KLHL1: variants seen among roughly 807,000 people sequenced by gnomAD.
KLHL1 encodes the protein kelch-like protein 1.
A neutral mutation model predicts 77.7 loss-of-function variants in KLHL1; 47 were observed. The observed-to-expected ratio is 0.60, with a 90% confidence interval of 0.48 to 0.77. The LOEUF (loss-of-function observed/expected upper bound fraction) is 0.77. Among genes scored for constraint, KLHL1 ranks in the 30% least tolerant of loss-of-function variants. The pLI, the probability that KLHL1 is intolerant of heterozygous loss-of-function variation, is 0.00. For synonymous variants in KLHL1, 360 were observed against 325.2 expected (o/e 1.11, Z -1.15); for missense variants, 925 against 910.8 (o/e 1.02, Z -0.20).
chr13:69,704,620 C>G (rs556036458), intron 10 of KLHL1, among the ~76,000 whole-genome samples: 1 of 151,844 alleles, frequency 6.6e-6, no homozygotes, highest in Admixed American at 6.6e-5. Flanking sequence ...TAGTGCTATT[C>G]TCTTACCAAA....
intron 7 of KLHL1, among the ~76,000 whole-genome samples, chr13:69,765,348 A>G (rs1593808600): frequency 6.6e-6 from 1 of 152,244 alleles, no homozygotes; most frequent in Admixed American, 6.5e-5. Context: ...TAAAAGCTCA[A>G]GATTTGTATA....
At chr13:70,088,927 A>T (rs992417668) in intron 1 of KLHL1, among the ~76,000 whole-genome samples, 38 of 152,228 alleles carry the variant, frequency 2.5e-4, no homozygotes, top group African/African-American at 8.9e-4. Context: ...AAATCTATTT[A>T]CATATGTAGT....
At chr13:69,877,870 T>TAATG (rs2138188017) in intron 5 of KLHL1, among the ~76,000 whole-genome samples, 1 of 152,268 alleles carries the variant, frequency 6.6e-6, no homozygotes, top group East Asian at 1.9e-4. Flanking sequence ...TACCATAACT[T>TAATG]AATGTGCTAA....
At chr13:69,822,274 T>A (rs1269504029) in intron 6 of KLHL1, among the ~76,000 whole-genome samples, 2 of 150,424 alleles carry the variant, frequency 1.3e-5, no homozygotes, top group Admixed American at 1.3e-4. Flanking sequence ...ATTTAGATAA[T>A]CCCAAAAGAA....
rs567677623 is a variant in KLHL1 at position 69,934,792 on chromosome 13, C to T, written c.1014+5248G>A. 1.6e-3 allele frequency among the ~76,000 whole-genome samples: 246 copies of T among 150,502 alleles called. 3 individuals are homozygous for T. Among genetic ancestry groups the T allele is most frequent in the African/African-American group, 5.4e-3 (220 of 40,888 alleles). On this transcript the variant is annotated intron_variant, in intron 4 of 10. Transcript: ENST00000377844. ...CTTCAGATCATTGGCAATCCATTTT[C>T]TTCTGTTATGAACATTCTTTAACCA...
chr13:69,949,540 T>C (rs1402764627), intron 3 of KLHL1, among the ~76,000 whole-genome samples: 4 of 151,800 alleles, frequency 2.6e-5, no homozygotes, highest in Non-Finnish European at 5.9e-5. Context: ...TCCACTGTAA[T>C]GTTATTCTTT....
chr13:69,787,156 C>T (rs1358024994), intron 7 of KLHL1, among the ~76,000 whole-genome samples: 1 of 152,166 alleles, frequency 6.6e-6, no homozygotes, highest in Non-Finnish European at 1.5e-5. Flanking sequence ...TTGGAAAAAA[C>T]TACTTTAAAG....
In KLHL1 at chr13:69,796,841, T is replaced by A. The variant is rs1210090417; in HGVS notation, c.1536A>T (p.Gly512=). The part of the protein sequence containing the change: ...AVIDDKLFVI[G]GRDGLKTLNT... ...TCAATGTCTTTAAGCCATCTCGACC[T>A]CCAATTACAAAGAGTTTGTCATCAA... The change falls in exon 7 of 11, where the codon GGA becomes GGT. Residue 512 remains glycine, a synonymous_variant. Transcript: ENST00000377844. The A allele has an allele frequency of 2.5e-6, 4 of 1,614,170 alleles. No individual in the cohort carries two copies. The East Asian group carries it at 8.9e-5, about 36-fold the overall frequency.
intron 7 of KLHL1, among the ~76,000 whole-genome samples, chr13:69,789,184 A>T (rs1259855908): frequency 6.6e-6 from 1 of 152,128 alleles, no homozygotes; most frequent in African/African-American, 2.4e-5. Context: ...TTCCACAGGA[A>T]TCTTTAGGAT....
intron 1 of KLHL1, among the ~76,000 whole-genome samples, chr13:70,060,122 C>T (rs1886842525): frequency 6.6e-6 from 1 of 152,096 alleles, no homozygotes; most frequent in African/African-American, 2.4e-5. Flanking sequence ...TCTGAATAGA[C>T]ATTTTACAGA....
intron 7 of KLHL1, among the ~76,000 whole-genome samples, chr13:69,755,563 A>C (rs904087823): frequency 2.0e-5 from 3 of 152,106 alleles, no homozygotes; most frequent in Non-Finnish European, 4.4e-5. Flanking sequence ...TATATATTTC[A>C]AATATGATAG....
intron 6 of KLHL1, among the ~76,000 whole-genome samples, chr13:69,835,306 A>T (rs74090482): frequency 0.018 from 2,813 of 152,262 alleles, 82 homozygotes; most frequent in African/African-American, 0.064. Context: ...TACAAAAAAA[A>T]TTATTTGCAT....
chr13:69,884,744 A>C (rs900610477), intron 4 of KLHL1, among the ~76,000 whole-genome samples: 4 of 152,074 alleles, frequency 2.6e-5, no homozygotes, highest in African/African-American at 9.7e-5. Context: ...TCCTGAATAA[A>C]TTGGTTTGCT....
At chr13:69,718,769 A>G (rs976160201) in intron 9 of KLHL1, among the ~76,000 whole-genome samples, 2 of 152,004 alleles carry the variant, frequency 1.3e-5, no homozygotes, top group Non-Finnish European at 2.9e-5. Context: ...GTGTCATCCC[A>G]CTCTAGCTTC....
intron 3 of KLHL1, among the ~76,000 whole-genome samples, chr13:69,951,996 T>C (rs537808058): frequency 6.6e-6 from 1 of 151,462 alleles, no homozygotes; most frequent in African/African-American, 2.4e-5. Flanking sequence ...ATTATGTGAC[T>C]GTTATTTCCC....
chr13:69,945,985 CATA>C (rs1366941072), intron 3 of KLHL1, among the ~76,000 whole-genome samples: 3 of 152,220 alleles, frequency 2.0e-5, no homozygotes, highest in Non-Finnish European at 2.9e-5. Flanking sequence ...TGGAATACTT[CATA>C]ATAATAAAAA....
chr13:69,868,375 T>C (rs1180476828), intron 5 of KLHL1, among the ~76,000 whole-genome samples: 4 of 152,018 alleles, frequency 2.6e-5, no homozygotes, highest in Non-Finnish European at 5.9e-5. Flanking sequence ...ATAAATTATA[T>C]TTAAAGACAA....
intron 7 of KLHL1, among the ~76,000 whole-genome samples, chr13:69,772,629 A>G (rs1875626836): frequency 6.6e-6 from 1 of 152,154 alleles, no homozygotes; most frequent in South Asian, 2.1e-4. Context: ...AATTCTCTAA[A>G]AAGTGTCTTA....
chr13:70,012,545 T>C (rs906577915), intron 1 of KLHL1, among the ~76,000 whole-genome samples: 1 of 152,074 alleles, frequency 6.6e-6, no homozygotes, highest in African/African-American at 2.4e-5. Flanking sequence ...GACTTGAAGA[T>C]GCTATTTGAA....
Sources: gnomAD v4.1 joint callset for allele counts (sites outside exome capture counted in the v4.1 genomes callset) on GRCh38, gnomAD v4.1.1 for gene constraint, MANE v1.5 for transcripts, NCBI Gene and HGNC (gene_info 2026-07-23, HGNC 2026-07-21) for gene names.